CEACAM21: variants seen among roughly 807,000 people sequenced by gnomAD.
CEACAM21 encodes CEA cell adhesion molecule 21.
Under a neutral mutation model 33.2 loss-of-function variants are expected in CEACAM21, and 38 were observed. That is an observed-to-expected ratio of 1.14 (90% CI 0.88 to 1.50). The LOEUF (loss-of-function observed/expected upper bound fraction) is 1.50, where lower values mean the gene tolerates loss of function less well. Ranked by LOEUF, CEACAM21 falls within the 40% of genes most tolerant of loss-of-function variation. The probability of loss-of-function intolerance (pLI) is 0.00; values close to 1 mark genes in which losing one functional copy is unlikely to be tolerated. For missense variants in CEACAM21, 385 were observed against 364.6 expected, an observed-to-expected ratio of 1.06 and a Z score of -0.46; for synonymous variants, 156 against 143.0, an observed-to-expected ratio of 1.09 and a Z score of -0.65.
chr19:41,558,184 A>G (rs1468257125), intron 1 of CEACAM21, among the ~76,000 whole-genome samples: 3 of 151,486 alleles, frequency 2.0e-5, no homozygotes, highest in Non-Finnish European at 4.4e-5. Context: ...AGAAAACAAA[A>G]TGCTTCATAA....
chr19:41,557,863 G>A (rs969281366), intron 1 of CEACAM21, among the ~76,000 whole-genome samples: 1 of 152,162 alleles, frequency 6.6e-6, no homozygotes, highest in Non-Finnish European at 1.5e-5. Context: ...TGGTGTGTAA[G>A]GTAGATGCTA....
Position 41,584,411 on chromosome 19 carries a change from T to C in CEACAM21, c.765T>C (p.Leu255=), listed in dbSNP as rs782401788. 1.9e-6 allele frequency: 3 copies of C among 1,609,964 alleles called. No individual in the cohort carries two copies. The East Asian group carries it at 6.7e-5, about 36-fold the overall frequency. The stretch of plus-strand genomic sequence containing the variant: ...TTGGGAGTCTTCTGGTGGCTGCACT[T>C]GTGTGTTTCCTGCTCCTCCGAAAAA... ...VLVGSLLVAA[L]VCFLLLRKTG... is the part of the protein sequence containing the mutation. Residue 255 remains leucine, a synonymous_variant, in exon 4 of 7, where the codon CTT becomes CTC. Coordinates refer to ENST00000401445, the MANE Select transcript of CEACAM21 (RefSeq NM_001098506.4).
intron 1 of CEACAM21, among the ~76,000 whole-genome samples, chr19:41,553,173 C>G (rs1249691054): frequency 6.6e-6 from 1 of 151,914 alleles, no homozygotes; most frequent in Non-Finnish European, 1.5e-5. Context: ...CCCAGGCTGT[C>G]GTGAAGTGGC....
Position 41,576,171 on chromosome 19 carries a change from G to A in CEACAM21, c.-104G>A. On this transcript the variant is annotated 5_prime_UTR_variant, in exon 1 of 7. Coordinates refer to ENST00000401445, the MANE Select transcript of CEACAM21 (RefSeq NM_001098506.4). ...TGCCTGAGAGGAAGCTCAGCATAGA[G>A]GAAGGAAGGACAGCAGAGACAACAG... is the stretch of plus-strand genomic sequence containing the variant. 2 of 1,373,520 alleles carry A rather than the reference G, an allele frequency of 1.5e-6. No individual in the cohort carries two copies. The highest frequency in any genetic ancestry group is 2.4e-5 in the East Asian group (1 of 42,102). The allele number at this position is 1,373,520 out of a possible 1,614,324, so 85.1% of individuals were successfully genotyped here.
upstream of CEACAM21, among the ~76,000 whole-genome samples, chr19:41,573,514 C>T (rs2042742934): frequency 6.6e-6 from 1 of 152,228 alleles, no homozygotes; most frequent in Admixed American, 6.5e-5. Context: ...GGTCACCCAA[C>T]ACCCAAACCC....
At chr19:41,578,617 C>G (rs1319819982) in intron 2 of CEACAM21, among the ~76,000 whole-genome samples, 2 of 152,132 alleles carry the variant, frequency 1.3e-5, no homozygotes, top group Non-Finnish European at 2.9e-5. Flanking sequence ...ATCCTCAGCT[C>G]AGAGAGGGAG....
intron 1 of CEACAM21, among the ~76,000 whole-genome samples, chr19:41,560,685 T>C (rs186472217): frequency 6.6e-6 from 1 of 152,328 alleles, no homozygotes; most frequent in Admixed American, 6.5e-5. Context: ...AGAAACTCAG[T>C]TCAATGTAAT....
intron 4 of CEACAM21, 27 bp downstream of exon 4, chr19:41,584,470 C>CA: frequency 1.9e-6 from 3 of 1,579,056 alleles, no homozygotes; most frequent in Non-Finnish European, 2.6e-6. Flanking sequence ...CCATTCTGCT[C>CA]CCATCCTTCA....
intron 1 of CEACAM21, among the ~76,000 whole-genome samples, chr19:41,550,990 C>A (rs1443611237): frequency 1.3e-5 from 2 of 152,180 alleles, no homozygotes; most frequent in African/African-American, 2.4e-5. Flanking sequence ...TATTGTGCTG[C>A]ATGCTGCAGT....
At chr19:41,568,213 TC>T (rs1377012196) in intron 2 of CEACAM21, among the ~76,000 whole-genome samples, 1 of 152,094 alleles carries the variant, frequency 6.6e-6, no homozygotes, top group East Asian at 1.9e-4. Context: ...AAATATATTC[TC>T]CTCCCATTTG....
At chr19:41,555,919 C>A (rs1402158828) in intron 1 of CEACAM21, among the ~76,000 whole-genome samples, 1 of 152,190 alleles carries the variant, frequency 6.6e-6, no homozygotes, top group South Asian at 2.1e-4. Context: ...ACCCAGCAGC[C>A]GTTGCACTCA....
At chr19:41,585,667 G>T (rs1207313167) in intron 5 of CEACAM21, among the ~76,000 whole-genome samples, 172 bp downstream of exon 5, 10 of 152,028 alleles carry the variant, frequency 6.6e-5, no homozygotes. Context: ...CTAACCTCCG[G>T]GCTCTGGGTC....
At chr19:41,575,408 AT>A (rs2042875696), upstream of CEACAM21, among the ~76,000 whole-genome samples, 2 of 152,328 alleles carry the variant, frequency 1.3e-5, no homozygotes, top group African/African-American at 4.8e-5. Context: ...GATAGTCCTC[AT>A]ACTCATGTAC....
At chr19:41,556,897 T>C (rs2041566179) in intron 1 of CEACAM21, among the ~76,000 whole-genome samples, 1 of 152,228 alleles carries the variant, frequency 6.6e-6, no homozygotes. Flanking sequence ...CCTTTGAAAT[T>C]TGATTGTCCC....
At chr19:41,561,455 GGAGA>G (rs201028226) in intron 1 of CEACAM21, among the ~76,000 whole-genome samples, 4 of 149,558 alleles carry the variant, frequency 2.7e-5, no homozygotes, top group South Asian at 2.1e-4. Context: ...TGGGGGTGGG[GGAGA>G]GAGAGAGAGA....
chr19:41,559,696 G>A (rs1349191176), intron 1 of CEACAM21, among the ~76,000 whole-genome samples: 2 of 152,174 alleles, frequency 1.3e-5, no homozygotes, highest in Non-Finnish European at 2.9e-5. Flanking sequence ...GAATGAAAAT[G>A]GCAACAGTTA....
intron 5 of CEACAM21, 93 bp from the exon 6 acceptor site, chr19:41,585,747 C>T: frequency 7.4e-7 from 1 of 1,345,588 alleles, no homozygotes. Flanking sequence ...TCCCTCTCCC[C>T]AATTCTCTAA....
chr19:41,553,739 G>T (rs2041364510), intron 1 of CEACAM21: 2 of 152,014 alleles, frequency 1.3e-5, no homozygotes, highest in Admixed American at 1.3e-4. Context: ...GTGTTCACAG[G>T]ATATAAGGTC....
At chr19:41,578,504 A>G (rs1279101021) in intron 2 of CEACAM21, among the ~76,000 whole-genome samples, 6 of 152,196 alleles carry the variant, frequency 3.9e-5, no homozygotes, top group African/African-American at 1.4e-4. Context: ...GCTCAACGTC[A>G]CACCACCGTG....
Sources: allele counts gnomAD v4.1 joint callset (sites outside exome capture counted in the v4.1 genomes callset), GRCh38; gene constraint gnomAD v4.1.1; transcripts MANE v1.5; gene names NCBI Gene and HGNC (gene_info 2026-07-23, HGNC 2026-07-21).